SOX5: variants seen among roughly 807,000 people sequenced by gnomAD.
SOX5 encodes transcription factor SOX-5.
SOX5 carries 9 observed loss-of-function variants against 92.0 expected under a neutral mutation model. The observed-to-expected ratio is 0.10, with a 90% CI of 0.06 to 0.17. The LOEUF (loss-of-function observed/expected upper bound fraction) is 0.17. Among genes scored for constraint, SOX5 ranks in the 10% least tolerant of loss-of-function variants. SOX5 has a pLI of 1.00. For missense variants in SOX5, 642 were observed against 944.5 expected (o/e 0.68, Z 4.20); for synonymous variants, 344 against 336.3 (o/e 1.02, Z -0.25).
rs1593717537 is a variant in SOX5 at position 23,726,175 on chromosome 12, G to GA, written c.810+8508_810+8509insT. ...AGAGAGAGAGAGAGAGAGAGAGAGA[G>GA]GTCAGTTTCTCACTGTTTGTAAGTT... On this transcript the variant is annotated intron_variant, in intron 6 of 14. Transcript: ENST00000451604. 3.6e-3 allele frequency among the ~76,000 whole-genome samples: 477 copies of GA among 132,310 alleles called. 1 individual carries two copies. Among genetic ancestry groups the GA allele is most frequent in the Non-Finnish European group, 4.6e-3 (297 of 64,144 alleles). 86.8% of individuals were successfully genotyped at this position (132,310 alleles called of 152,430 possible). A position where few individuals can be genotyped will look rare whatever the true frequency, so the allele number is the denominator to read the frequency against.
intron 3 of SOX5, among the ~76,000 whole-genome samples, chr12:24,244,483 C>T (rs541669934): frequency 6.6e-6 from 1 of 152,196 alleles, no homozygotes; most frequent in African/African-American, 2.4e-5. Flanking sequence ...CCACTCCTCA[C>T]ATAGGCAGGA....
At chr12:23,546,734 A>T (rs1479811658) in intron 11 of SOX5, among the ~76,000 whole-genome samples, 1 of 152,130 alleles carries the variant, frequency 6.6e-6, no homozygotes, top group African/African-American at 2.4e-5. Flanking sequence ...ATTTCATGGA[A>T]GCAACCTGTT....
chr12:23,529,586 TAAAC>T lies in SOX5; in HGVS notation c.*4629_*4632del, dbSNP rs906291290. ...GAGAATGCAAAAAAATAAAATAAAA[TAAAC>T]AAAAAACAAAAACGAAAAACAGGTT... On this transcript the variant is annotated 3_prime_UTR_variant, in exon 15 of 15. Coordinates refer to ENST00000451604, the MANE Select transcript of SOX5 (RefSeq NM_006940.6). The T allele has an allele frequency of 3.3e-5, 5 of 151,796 alleles. No homozygotes were observed. The highest frequency in any genetic ancestry group is 7.4e-5 in the Non-Finnish European group (5 of 67,956). 9.4% of individuals were successfully genotyped at this position (151,796 alleles called of 1,614,324 possible).
At chr12:24,342,182 T>C (rs1190845445) in intron 2 of SOX5, among the ~76,000 whole-genome samples, 7 of 152,204 alleles carry the variant, frequency 4.6e-5, no homozygotes, top group Non-Finnish European at 2.9e-5. Context: ...ACGTCTCAGA[T>C]CAGCCCATAA....
intron 3 of SOX5, among the ~76,000 whole-genome samples, chr12:23,805,916 T>C (rs1594631766): frequency 6.6e-6 from 1 of 152,358 alleles, no homozygotes; most frequent in East Asian, 1.9e-4. Flanking sequence ...TGCTGTGAAA[T>C]GTATTTGTTC....
chr12:23,643,470 C>T (rs1343051440), intron 7 of SOX5, among the ~76,000 whole-genome samples: 1 of 152,090 alleles, frequency 6.6e-6, no homozygotes, highest in Non-Finnish European at 1.5e-5. Flanking sequence ...GGGAAAAGCC[C>T]TCATAGGAGA....
intron 4 of SOX5, among the ~76,000 whole-genome samples, chr12:24,023,357 C>T (rs1383417820): frequency 6.6e-6 from 1 of 152,062 alleles, no homozygotes; most frequent in African/African-American, 2.4e-5. Context: ...AGACAAACCT[C>T]AGAAACTGGA....
chr12:24,088,404 AAAAGCTGCTTTAG>A (rs1308414874), intron 4 of SOX5, among the ~76,000 whole-genome samples: 1 of 152,092 alleles, frequency 6.6e-6, no homozygotes, highest in Non-Finnish European at 1.5e-5. Context: ...TTTCACTACT[AAAAGCTGCTTTAG>A]TGAGGTTTGC....
chr12:24,116,866 A>G (rs1015619871), intron 4 of SOX5, among the ~76,000 whole-genome samples: 14 of 152,116 alleles, frequency 9.2e-5, no homozygotes, highest in Non-Finnish European at 1.6e-4. Flanking sequence ...ACTGCCATCT[A>G]TAATGCGATA....
At chr12:24,296,682 G>A (rs529706893) in intron 2 of SOX5, among the ~76,000 whole-genome samples, 20 of 152,202 alleles carry the variant, frequency 1.3e-4, no homozygotes, top group African/African-American at 4.8e-4. Context: ...CATGTCAAAT[G>A]TCAGGGCAGT....
intron 8 of SOX5, among the ~76,000 whole-genome samples, chr12:23,609,793 A>C (rs905551539): frequency 1.3e-5 from 2 of 152,330 alleles, no homozygotes; most frequent in East Asian, 3.9e-4. Flanking sequence ...GCTCAATAAA[A>C]CACTTTTAAA....
chr12:24,180,642 G>C (rs1955389496), intron 4 of SOX5, among the ~76,000 whole-genome samples: 1 of 152,102 alleles, frequency 6.6e-6, no homozygotes, highest in Admixed American at 6.6e-5. Flanking sequence ...ATACCATTGA[G>C]TTTCTTCTTC....
intron 9 of SOX5, among the ~76,000 whole-genome samples, chr12:23,579,324 A>T (rs1261952139): frequency 2.0e-5 from 3 of 152,186 alleles, no homozygotes; most frequent in African/African-American, 7.2e-5. Context: ...TATAAATGTC[A>T]TTCAAAATTG....
intron 7 of SOX5, among the ~76,000 whole-genome samples, chr12:23,643,382 AT>A (rs1204624371): frequency 3.3e-5 from 5 of 152,194 alleles, no homozygotes; most frequent in African/African-American, 1.2e-4. Context: ...TGTTTTAGAT[AT>A]TTTAAGTTTG....
intron 4 of SOX5, among the ~76,000 whole-genome samples, chr12:23,964,941 A>G (rs1179080749): frequency 6.6e-6 from 1 of 152,220 alleles, no homozygotes; most frequent in Non-Finnish European, 1.5e-5. Flanking sequence ...AACTTGAAGA[A>G]CCAGCCAGTA....
chr12:24,206,715 C>T (rs1477682526), intron 4 of SOX5, among the ~76,000 whole-genome samples: 1 of 152,184 alleles, frequency 6.6e-6, no homozygotes, highest in Non-Finnish European at 1.5e-5. Flanking sequence ...CCTCCATCAG[C>T]ACCTGATCTC....
intron 4 of SOX5, among the ~76,000 whole-genome samples, chr12:24,050,352 T>G (rs1422205804): frequency 6.6e-6 from 1 of 152,146 alleles, no homozygotes; most frequent in Non-Finnish European, 1.5e-5. Context: ...ACTCAGAGGA[T>G]CATAAGCTTC....
chr12:24,208,542 A>G (rs1363607075), intron 4 of SOX5, among the ~76,000 whole-genome samples: 1 of 152,180 alleles, frequency 6.6e-6, no homozygotes, highest in Non-Finnish European at 1.5e-5. Context: ...GGGCAAAATC[A>G]TATGCATCCT....
intron 2 of SOX5, among the ~76,000 whole-genome samples, chr12:24,278,225 T>C (rs988887090): frequency 6.6e-6 from 1 of 152,188 alleles, no homozygotes; most frequent in Admixed American, 6.6e-5. Flanking sequence ...ATAGTTTTAT[T>C]ACCATACTAT....
Sources: gnomAD v4.1 joint callset for allele counts (sites outside exome capture counted in the v4.1 genomes callset) on GRCh38, gnomAD v4.1.1 for gene constraint, MANE v1.5 for transcripts, NCBI Gene and HGNC (gene_info 2026-07-23, HGNC 2026-07-21) for gene names.